Variants in MYBL2 observed in about 807,000 individuals in gnomAD.
MYBL2 encodes the protein myb-related protein B.
MYBL2 carries 28 observed loss-of-function variants against 79.9 expected under a neutral mutation model. The observed-to-expected ratio is 0.35, with a 90% CI of 0.26 to 0.48. The LOEUF is 0.48. Among genes scored for constraint, MYBL2 ranks in the 20% least tolerant of loss-of-function variants. The pLI is 0.99. For missense variants in MYBL2, 735 were observed against 893.9 expected (o/e 0.82, Z 2.27); for synonymous variants, 378 against 361.2 (o/e 1.05, Z -0.53).
intron 8 of MYBL2, among the ~76,000 whole-genome samples, chr20:43,704,611 C>T (rs67605982): frequency 7.9e-5 from 12 of 152,214 alleles, no homozygotes; most frequent in East Asian, 5.8e-4. Flanking sequence ...GGGAAGAGAG[C>T]GGGGTGCTTC....
intron 6 of MYBL2, among the ~76,000 whole-genome samples, chr20:43,699,022 A>G (rs34280051): frequency 1.3e-3 from 200 of 151,822 alleles, no homozygotes; most frequent in Non-Finnish European, 2.5e-3. Context: ...TTTAATGTTT[A>G]TTAAGCATTA....
rs561971929 is a variant in MYBL2, at chr20:43,713,936, G to A, written c.1824+830G>A. Among the ~76,000 whole-genome samples the A allele has an allele frequency of 3.3e-5, 5 of 152,276 alleles. No individual in the cohort carries two copies. The East Asian group carries it at 9.7e-4, about 29-fold the overall frequency. ...TGGGGAGGCGGTGAGAGGCATGGCG[G>A]CGTCATGAACAAAGGTTAAGGGTTG... On this transcript the variant is annotated intron_variant, in intron 12 of 13. Transcript: ENST00000217026.
At chr20:43,692,438 C>T in intron 6 of MYBL2, 119 bp downstream of exon 6, 5 of 1,301,980 alleles carry the variant, frequency 3.8e-6, no homozygotes, top group East Asian at 2.4e-5. Context: ...AAAGTGGGCT[C>T]TGTGCTTCTG....
intron 5 of MYBL2, 66 bp from the exon 6 acceptor site, chr20:43,692,091 G>A: frequency 6.5e-7 from 1 of 1,543,230 alleles, no homozygotes; most frequent in Non-Finnish European, 8.9e-7. Context: ...AGGGAGGTTA[G>A]TGATGTGCCT....
At position 43,707,263 on chromosome 20, in the gene MYBL2, C is replaced by G. The variant is rs149485062; in HGVS notation, c.1505+1905C>G. Among the ~76,000 whole-genome samples the G allele has an allele frequency of 3.7e-3, 555 of 151,308 alleles. 4 individuals are homozygous for G. The highest frequency in any genetic ancestry group is 8.1e-3 in the South Asian group (39 of 4,792). ...TCTAAAGCATAACTTAGATAGGTTT[C>G]GTGAGAAATGATTGTCCGTTCAAAC... On this transcript the variant is annotated intron_variant, in intron 9 of 13. Transcript: ENST00000217026.
At chr20:43,691,424 C>T (rs939702885) in intron 5 of MYBL2, among the ~76,000 whole-genome samples, 9 of 151,906 alleles carry the variant, frequency 5.9e-5, no homozygotes, top group African/African-American at 2.2e-4. Flanking sequence ...CGGGTTTAAG[C>T]GATTCTCATG....
intron 5 of MYBL2, among the ~76,000 whole-genome samples, chr20:43,687,976 C>T (rs1044923992): frequency 6.9e-5 from 10 of 145,928 alleles, no homozygotes; most frequent in African/African-American, 2.3e-4. Flanking sequence ...CATATCACTG[C>T]ACTCCAGCCT....
chr20:43,667,253 G>T lies in MYBL2; in HGVS notation c.-31G>T. On this transcript the variant is annotated 5_prime_UTR_variant, in exon 1 of 14. Transcript: ENST00000217026. ...CCCGCTCCGGGCTCTGCCGGCGGGC[G>T]GGCGAGCGCGGCGCGGTCCGGGCCG... The T allele has an allele frequency of 1.6e-6, 2 of 1,217,018 alleles. No homozygotes were observed. The highest frequency in any genetic ancestry group is 4.1e-5 in the South Asian group (1 of 24,176). The allele number at this position is 1,217,018 out of a possible 1,614,324, so 75.4% of individuals were successfully genotyped here.
At chr20:43,712,976 A>AC in intron 11 of MYBL2, 26 bp from the exon 12 acceptor site, 1 of 1,568,630 alleles carries the variant, frequency 6.4e-7, no homozygotes, top group South Asian at 1.1e-5. Flanking sequence ...ACTCACCCTA[A>AC]CCCCCTTCTA....
At chr20:43,709,243 C>T (rs1334513823) in intron 9 of MYBL2, among the ~76,000 whole-genome samples, 1 of 152,130 alleles carries the variant, frequency 6.6e-6, no homozygotes, top group African/African-American at 2.4e-5. Context: ...TACCAGCACA[C>T]AAGGGTTCGT....
At chr20:43,690,143 G>A (rs995930079) in intron 5 of MYBL2, among the ~76,000 whole-genome samples, 1 of 152,110 alleles carries the variant, frequency 6.6e-6, no homozygotes, top group Non-Finnish European at 1.5e-5. Context: ...TACATGGGTT[G>A]GGGAACTCCT....
At chr20:43,682,663 A>G in intron 3 of MYBL2, 131 bp from the exon 4 acceptor site, 1 of 776,834 alleles carries the variant, frequency 1.3e-6, no homozygotes, top group Non-Finnish European at 2.2e-6. Context: ...GGCTGCATGG[A>G]ACAGGACACA....
intron 5 of MYBL2, among the ~76,000 whole-genome samples, chr20:43,691,110 A>G (rs1185197679): frequency 6.6e-6 from 1 of 152,108 alleles, no homozygotes; most frequent in African/African-American, 2.4e-5. Context: ...TAGGGAGGTG[A>G]ACAGTTCTGG....
chr20:43,684,393 C>T (rs1020203299), intron 4 of MYBL2, among the ~76,000 whole-genome samples: 8 of 151,872 alleles, frequency 5.3e-5, no homozygotes, highest in African/African-American at 1.9e-4. Flanking sequence ...CCTGCCACCA[C>T]GCCCGGCTAA....
At chr20:43,687,456 CA>C (rs1987304174) in intron 5 of MYBL2, among the ~76,000 whole-genome samples, 1 of 152,056 alleles carries the variant, frequency 6.6e-6, no homozygotes, top group Non-Finnish European at 1.5e-5. Flanking sequence ...AGAAAATGAT[CA>C]AAAATCAGGT....
At chr20:43,685,387 G>A (rs1480840297) in intron 4 of MYBL2, among the ~76,000 whole-genome samples, 1 of 151,566 alleles carries the variant, frequency 6.6e-6, no homozygotes, top group Admixed American at 6.6e-5. Flanking sequence ...TGCCATGTTG[G>A]TCAGGCTGGT....
At chr20:43,715,885 C>T in intron 13 of MYBL2, 74 bp from the exon 14 acceptor site, 1 of 1,518,014 alleles carries the variant, frequency 6.6e-7, no homozygotes, top group Admixed American at 2.2e-5. Flanking sequence ...CTACCCTTCC[C>T]TGGCCAGGAT....
chr20:43,668,049 A>G (rs1012220484), intron 1 of MYBL2, among the ~76,000 whole-genome samples: 1 of 152,018 alleles, frequency 6.6e-6, no homozygotes, highest in Non-Finnish European at 1.5e-5. Context: ...GCCCGGAGCC[A>G]GGTCTGTGGC....
At chr20:43,680,177 C>G (rs1355792149) in intron 2 of MYBL2, among the ~76,000 whole-genome samples, 1 of 152,090 alleles carries the variant, frequency 6.6e-6, no homozygotes, top group African/African-American at 2.4e-5. Context: ...ATCACAGGCG[C>G]CTGCCACCAC....
Sources: gnomAD v4.1 joint callset for allele counts (sites outside exome capture counted in the v4.1 genomes callset) on GRCh38, gnomAD v4.1.1 for gene constraint, MANE v1.5 for transcripts, NCBI Gene and HGNC (gene_info 2026-07-23, HGNC 2026-07-21) for gene names.